ANKRD30B: variants seen among roughly 807,000 people sequenced by gnomAD.
ANKRD30B encodes the protein ankyrin repeat domain-containing protein 30B.
ANKRD30B carries 144 observed loss-of-function variants against 202.2 expected under a neutral mutation model. The ratio of observed to expected loss-of-function variants is 0.71; its 90% CI spans 0.62 to 0.82. The LOEUF (loss-of-function observed/expected upper bound fraction) is 0.82. ANKRD30B is among the 40% of genes least tolerant of loss of function. ANKRD30B has a pLI of 0.00. For missense variants in ANKRD30B, 1,487 were observed against 1,669.1 expected, an observed-to-expected ratio of 0.89 and a Z score of 1.90; for synonymous variants, 508 against 561.3, an observed-to-expected ratio of 0.91 and a Z score of 1.34.
At chr18:14,796,979 A>T (rs1225527203) in intron 18 of ANKRD30B, among the ~76,000 whole-genome samples, 2 of 152,242 alleles carry the variant, frequency 1.3e-5, no homozygotes, top group Non-Finnish European at 2.9e-5. Context: ...ACAAAGCCTT[A>T]AAACAGAAAT....
At chr18:14,908,049 C>T in the ANKRD30B span, among the ~76,000 whole-genome samples, 1 of 152,080 alleles carries the variant, frequency 6.6e-6, no homozygotes, top group African/African-American at 2.4e-5. Context: ...GCTTTTATAC[C>T]ATTTTGAGCA....
Position 14,753,016 on chromosome 18 carries a change from G to A in ANKRD30B, c.510+4G>A. The A allele has an allele frequency of 2.6e-6, 4 of 1,568,460 alleles. No individual in the cohort carries two copies. The highest frequency in any genetic ancestry group is 3.5e-6 in the Non-Finnish European group (4 of 1,156,422). On this transcript the variant is annotated splice_donor_region_variant and intron_variant, in intron 3 of 43. Transcript: ENST00000690538. ...AGTCATCGAGGTGCAAAACAAGGTA[G>A]ACATTAACCAATGTTATTTTCAAAA...
chr18:14,895,428 G>C, the ANKRD30B span, among the ~76,000 whole-genome samples: 1 of 152,354 alleles, frequency 6.6e-6, no homozygotes, highest in East Asian at 1.9e-4. Context: ...TTCATTACTA[G>C]TGGGAATGCA....
chr18:14,886,906 G>A, the ANKRD30B span, among the ~76,000 whole-genome samples: 2 of 152,108 alleles, frequency 1.3e-5, no homozygotes, highest in African/African-American at 4.8e-5. Context: ...GTATATCTGA[G>A]GAAGGACAGT....
chr18:14,888,516 T>C, the ANKRD30B span, among the ~76,000 whole-genome samples: 2 of 152,064 alleles, frequency 1.3e-5, no homozygotes, highest in African/African-American at 4.8e-5. Context: ...TGTATACTTT[T>C]CAAATCTTTC....
At chr18:14,759,871 CA>C (rs1483547568) in intron 5 of ANKRD30B, among the ~76,000 whole-genome samples, 2 of 152,192 alleles carry the variant, frequency 1.3e-5, no homozygotes, top group African/African-American at 4.8e-5. Flanking sequence ...AACATTTCAA[CA>C]TTACAACCTA....
intron 6 of ANKRD30B, among the ~76,000 whole-genome samples, chr18:14,763,406 G>C (rs1449531946): frequency 6.6e-6 from 1 of 152,114 alleles, no homozygotes; most frequent in Non-Finnish European, 1.5e-5. Context: ...AATTAGCCAG[G>C]TGATGTGGCC....
In ANKRD30B at chr18:14,817,868, C is replaced by CT. The variant is rs199856961; in HGVS notation, c.2641+3164dup. Among the ~76,000 whole-genome samples, 303 of 152,104 alleles carry CT rather than the reference C, an allele frequency of 2.0e-3. 3 individuals are homozygous for CT. The highest frequency in any genetic ancestry group is 7.0e-3 in the African/African-American group (289 of 41,502). ...AGTGTGTTGAATACAATTTTAAGCA[C>CT]TTTTTTTATAAAACACCTACCTGCA... On this transcript the variant is annotated intron_variant, in intron 30 of 43. Coordinates refer to ENST00000690538, the MANE Select transcript of ANKRD30B (RefSeq NM_001367607.2).
rs1197591090 is a variant in ANKRD30B, at chr18:14,837,692, G to T, written c.2988+16G>T. ...AGATTCTGAGGTACTGTGTATTGTT[G>T]TTGTTGTTATTTTAAAACTTAAGTA... On this transcript the variant is annotated intron_variant, in intron 36 of 43. Transcript: ENST00000690538. The T allele has an allele frequency of 1.3e-6, 2 of 1,534,548 alleles. No homozygotes were observed. The highest frequency in any genetic ancestry group is 1.7e-6 in the Non-Finnish European group (2 of 1,143,170).
At chr18:14,773,817 AG>A (rs1407208993) in intron 9 of ANKRD30B, among the ~76,000 whole-genome samples, 3 of 151,968 alleles carry the variant, frequency 2.0e-5, no homozygotes, top group Admixed American at 2.0e-4. Flanking sequence ...CACAATGCAC[AG>A]TTAATTTTTG....
chr18:14,828,697 A>G (rs1052051980), intron 33 of ANKRD30B, among the ~76,000 whole-genome samples: 1 of 152,202 alleles, frequency 6.6e-6, no homozygotes, highest in African/African-American at 2.4e-5. Context: ...ACATTTTGTT[A>G]TATGTTAACT....
chr18:14,768,768 T>C (rs535189932), intron 7 of ANKRD30B, among the ~76,000 whole-genome samples: 9 of 152,200 alleles, frequency 5.9e-5, no homozygotes, highest in Non-Finnish European at 1.0e-4. Flanking sequence ...TGCTCTTAGT[T>C]CATTTTTCTA....
chr18:14,799,092 T>C lies in ANKRD30B; in HGVS notation c.2030-9T>C, dbSNP rs769188012. 3.8e-6 allele frequency: 6 copies of C among 1,570,290 alleles called. No individual in the cohort carries two copies. In the East Asian group the frequency reaches 1.3e-4, roughly 35 times the overall value. On this transcript the variant is annotated splice_polypyrimidine_tract_variant and intron_variant, in intron 20 of 43. Coordinates refer to ENST00000690538, the MANE Select transcript of ANKRD30B (RefSeq NM_001367607.2). ...ATATAATCAATTATATATGTCCCTT[T>C]TCTTTTAGAGTCTCCTGATAATGAT...
At chr18:14,921,530 C>T in the ANKRD30B span, among the ~76,000 whole-genome samples, 278 of 151,814 alleles carry the variant, frequency 1.8e-3, 1 homozygote, top group Non-Finnish European at 3.3e-3. Context: ...ACACTGAGAT[C>T]CTCAGTGAGG....
intron 13 of ANKRD30B, 48 bp from the exon 14 acceptor site, chr18:14,784,415 G>A (rs1967945599): frequency 6.2e-7 from 1 of 1,609,494 alleles, no homozygotes; most frequent in African/African-American, 1.3e-5. Context: ...TATGTACTTT[G>A]TGAAGTACAC....
At chr18:14,835,749 A>G (rs1971142384) in intron 34 of ANKRD30B, among the ~76,000 whole-genome samples, 1 of 151,918 alleles carries the variant, frequency 6.6e-6, no homozygotes. Flanking sequence ...TTCATAAGAA[A>G]AGCATGTGAA....
intron 6 of ANKRD30B, among the ~76,000 whole-genome samples, chr18:14,761,629 G>T (rs1261663951): frequency 6.6e-6 from 1 of 152,194 alleles, no homozygotes; most frequent in Non-Finnish European, 1.5e-5. Context: ...AAGGAGATTT[G>T]TGTCTATGTC....
the ANKRD30B span, among the ~76,000 whole-genome samples, chr18:14,906,635 C>A: frequency 6.6e-6 from 1 of 152,054 alleles, no homozygotes; most frequent in African/African-American, 2.4e-5. Flanking sequence ...TTTGCACACA[C>A]ACTTCTCCAG....
At chr18:14,901,674 T>C in the ANKRD30B span, among the ~76,000 whole-genome samples, 1 of 152,160 alleles carries the variant, frequency 6.6e-6, no homozygotes, top group Non-Finnish European at 1.5e-5. Context: ...CCTACAGAAT[T>C]TGAAAACTAT....
Sources: allele counts gnomAD v4.1 joint callset (sites outside exome capture counted in the v4.1 genomes callset), GRCh38; gene constraint gnomAD v4.1.1; transcripts MANE v1.5; gene names NCBI Gene and HGNC (gene_info 2026-07-23, HGNC 2026-07-21).